HIVEP3: variants seen among roughly 807,000 people sequenced by gnomAD.
HIVEP3 encodes the protein HIVEP zinc finger 3.
HIVEP3 carries 49 observed loss-of-function variants against 152.8 expected under a neutral mutation model. The ratio of observed to expected loss-of-function variants is 0.32; its 90% CI spans 0.26 to 0.41. The LOEUF (loss-of-function observed/expected upper bound fraction) is 0.41. Among genes scored for constraint, HIVEP3 ranks in the 10% least tolerant of loss-of-function variants. HIVEP3 has a pLI of 1.00. For missense variants in HIVEP3, 2,790 were observed against 3,103.3 expected, an observed-to-expected ratio of 0.90 and a Z score of 2.40; for synonymous variants, 1,269 against 1,289.0, an observed-to-expected ratio of 0.98 and a Z score of 0.33.
intron 1 of HIVEP3, among the ~76,000 whole-genome samples, chr1:41,888,487 A>G (rs1166649403): frequency 6.6e-6 from 1 of 151,874 alleles, no homozygotes; most frequent in Non-Finnish European, 1.5e-5. Context: ...ATCCAGAGAG[A>G]AGAGAGGGAC....
chr1:41,722,497 C>A (rs1318894159), intron 1 of HIVEP3, among the ~76,000 whole-genome samples: 1 of 138,962 alleles, frequency 7.2e-6, no homozygotes, highest in Non-Finnish European at 1.6e-5. Context: ...TCTCCCCTCC[C>A]CTTCCCTTCC....
chr1:41,907,493 C>G (rs371793572), intron 1 of HIVEP3, among the ~76,000 whole-genome samples: 26 of 152,286 alleles, frequency 1.7e-4, no homozygotes, highest in African/African-American at 6.3e-4. Context: ...AGGTTCACTT[C>G]TCGCTGGATG....
chr1:41,725,183 C>T (rs1646734187), intron 1 of HIVEP3, among the ~76,000 whole-genome samples: 1 of 152,176 alleles, frequency 6.6e-6, no homozygotes, highest in Non-Finnish European at 1.5e-5. Context: ...AGGATGGGCA[C>T]ATAAGAGGCA....
At chr1:41,695,550 G>C (rs1570334918) in intron 2 of HIVEP3, among the ~76,000 whole-genome samples, 3 of 152,180 alleles carry the variant, frequency 2.0e-5, no homozygotes, top group Non-Finnish European at 4.4e-5. Context: ...CCAATCAGGA[G>C]GTGAATCACA....
intron 1 of HIVEP3, among the ~76,000 whole-genome samples, chr1:41,738,945 C>G (rs1255610729): frequency 1.3e-5 from 2 of 152,216 alleles, no homozygotes; most frequent in Non-Finnish European, 2.9e-5. Flanking sequence ...AACCATGGCG[C>G]CATTAGACCA....
At chr1:41,795,578 G>A (rs1649938372) in intron 1 of HIVEP3, among the ~76,000 whole-genome samples, 1 of 152,178 alleles carries the variant, frequency 6.6e-6, no homozygotes. Flanking sequence ...TCCATCTGCT[G>A]GAAGGGGAGT....
At chr1:41,984,700 A>G (rs689277) in intron 1 of HIVEP3, among the ~76,000 whole-genome samples, 118,060 of 152,110 alleles carry the variant, frequency 0.78, 46,212 homozygotes, top group East Asian at 0.96. Flanking sequence ...GAAAGATCTG[A>G]TTTTGCTAAT....
At chr1:41,807,134 C>T (rs538292131) in intron 1 of HIVEP3, among the ~76,000 whole-genome samples, 16 of 152,256 alleles carry the variant, frequency 1.1e-4, no homozygotes, top group African/African-American at 3.6e-4. Context: ...AAGTAGAGCG[C>T]ATTTAGTCTT....
intron 3 of HIVEP3, among the ~76,000 whole-genome samples, chr1:41,615,257 A>G (rs749599328): frequency 6.6e-6 from 1 of 152,246 alleles, no homozygotes; most frequent in African/African-American, 2.4e-5. Flanking sequence ...CCAGTCAATT[A>G]AAGAACTTCC....
intron 5 of HIVEP3, among the ~76,000 whole-genome samples, chr1:41,544,735 CCAT>C: frequency 2.1e-5 from 3 of 142,226 alleles, no homozygotes; most frequent in African/African-American, 8.8e-5. Context: ...ACCACCGCTA[CCAT>C]CACCACCACT....
intron 5 of HIVEP3, among the ~76,000 whole-genome samples, chr1:41,537,576 T>C (rs1338869174): frequency 1.3e-5 from 2 of 152,188 alleles, no homozygotes; most frequent in African/African-American, 4.8e-5. Flanking sequence ...AGAATGGATG[T>C]CTGTGGAAAG....
rs540234529 is a variant in HIVEP3 at position 42,035,774 on chromosome 1, G to A, written n.119+33C>T. ...CGTCAGACCGAGCCCGAGGAGGGGG[G>A]CGCGATGGCTCGGCAGCCGCGGCCA... On this transcript the variant is annotated intron_variant and non_coding_transcript_variant, in intron 1 of 3. Transcript: ENST00000489103. 2.6e-4 allele frequency: 39 copies of A among 151,816 alleles called. 1 individual carries two copies. In the East Asian group the frequency reaches 7.2e-3, roughly 28 times the overall value. The allele number at this position is 151,816 out of a possible 1,614,324, so 9.4% of individuals were successfully genotyped here.
At chr1:41,843,224 T>TA (rs1643340685) in intron 1 of HIVEP3, among the ~76,000 whole-genome samples, 1 of 152,212 alleles carries the variant, frequency 6.6e-6, no homozygotes, top group Non-Finnish European at 1.5e-5. Flanking sequence ...AACACATTGT[T>TA]AAAGTGATAA....
rs1429937660 is a variant in HIVEP3, at chr1:41,584,035, C to T, written c.763G>A (p.Gly255Ser). 26 of 1,614,058 alleles carry T rather than the reference C, an allele frequency of 1.6e-5. No homozygotes were observed. The highest frequency in any genetic ancestry group is 2.2e-5 in the Non-Finnish European group (26 of 1,180,024). ...AGCCCATGTGGGTACATCTCGCCACCCATGCCTGAGGCCAGGCCTGCTTTG... is the reference window on the plus strand; with the variant it reads ...AGCCCATGTGGGTACATCTCGCCACTCATGCCTGAGGCCAGGCCTGCTTTG... ...RIKAGLASGMGGEMYPHGLEM... is the reference protein window; with the variant it reads ...RIKAGLASGMSGEMYPHGLEM... The change falls in exon 4 of 9, where the codon GGT becomes AGT. Residue 255 changes from glycine (G) to serine (S), a missense_variant. Coordinates refer to ENST00000372583, the MANE Select transcript of HIVEP3 (RefSeq NM_024503.5). The surrounding 1 kb of genome is among the most constrained non-coding windows in gnomAD (Gnocchi z 5.2).
intron 5 of HIVEP3, among the ~76,000 whole-genome samples, chr1:41,545,761 C>CCAT (rs1643785373): frequency 6.8e-6 from 1 of 147,444 alleles, no homozygotes; most frequent in Non-Finnish European, 1.5e-5. Flanking sequence ...GCCACCACCA[C>CCAT]CACTACCATC....
Position 41,674,374 on chromosome 1 carries a change from C to T in HIVEP3, c.-721+26542G>A, listed in dbSNP as rs375322914. Among the ~76,000 whole-genome samples the T allele has an allele frequency of 1.8e-3, 267 of 152,358 alleles. 2 individuals are homozygous for T. Among genetic ancestry groups the T allele is most frequent in the African/African-American group, 5.3e-3 (222 of 41,580 alleles). Reference sequence around the variant, plus strand: ...CTTCCCACGAATGTATTCATTCTGGCGATGCTTCATCCTGTTCAGTGGCAT... The same window carrying T: ...CTTCCCACGAATGTATTCATTCTGGTGATGCTTCATCCTGTTCAGTGGCAT... On this transcript the variant is annotated intron_variant, in intron 2 of 8. Coordinates refer to ENST00000372583, the MANE Select transcript of HIVEP3 (RefSeq NM_024503.5).
intron 1 of HIVEP3, among the ~76,000 whole-genome samples, chr1:41,704,274 T>C (rs1204372758): frequency 6.6e-6 from 1 of 152,216 alleles, no homozygotes; most frequent in African/African-American, 2.4e-5. Context: ...TCACCAGGGA[T>C]GGACTCATTT....
At chr1:41,822,272 AAAGAACAGT>A (rs1366891779) in intron 1 of HIVEP3, among the ~76,000 whole-genome samples, 3 of 152,274 alleles carry the variant, frequency 2.0e-5, no homozygotes, top group Non-Finnish European at 4.4e-5. Context: ...TTGGGTTCTG[AAAGAACAGT>A]AGTATAAGCC....
intron 1 of HIVEP3, among the ~76,000 whole-genome samples, chr1:41,712,471 A>G (rs540330463): frequency 6.6e-6 from 1 of 152,338 alleles, no homozygotes; most frequent in East Asian, 1.9e-4. Flanking sequence ...AGGGTGTGTA[A>G]GCACCGAAAA....
Sources: gnomAD v4.1 joint callset for allele counts (sites outside exome capture counted in the v4.1 genomes callset) on GRCh38, gnomAD v4.1.1 for gene constraint, Gnocchi (gnomAD v3.1) non-coding constraint, MANE v1.5 for transcripts, NCBI Gene and HGNC (gene_info 2026-07-23, HGNC 2026-07-21) for gene names.